The following PDGFRA variants were observed in gnomAD, a reference collection of about 807,000 sequenced individuals.
PDGFRA encodes the protein platelet derived growth factor receptor alpha.
Under a neutral mutation model 121.5 loss-of-function variants are expected in PDGFRA, and 25 were observed. The observed-to-expected ratio is 0.21, with a 90% CI of 0.15 to 0.29. PDGFRA has a LOEUF of 0.29. Ranked by LOEUF, PDGFRA falls within the 10% of genes least tolerant of loss-of-function variation. The pLI, the probability that PDGFRA is intolerant of heterozygous loss-of-function variation, is 1.00. For synonymous variants in PDGFRA, 463 were observed against 494.8 expected, an observed-to-expected ratio of 0.94 and a Z score of 0.85; for missense variants, 1,008 against 1,345.1, an observed-to-expected ratio of 0.75 and a Z score of 3.92.
intron 16 of PDGFRA, among the ~76,000 whole-genome samples, chr4:54,285,105 A>C (rs1724272645): frequency 6.6e-6 from 1 of 151,846 alleles, no homozygotes; most frequent in Non-Finnish European, 1.5e-5. Flanking sequence ...CATGTTGGCC[A>C]GACTGGTCTC....
chr4:54,265,147 AGTTT>A, intron 5 of PDGFRA, 98 bp downstream of exon 5: 1 of 1,165,696 alleles, frequency 8.6e-7, no homozygotes, highest in Non-Finnish European at 1.3e-6. Flanking sequence ...CACATCACTG[AGTTT>A]CTCTAGACCT....
intron 7 of PDGFRA, among the ~76,000 whole-genome samples, chr4:54,269,276 C>T (rs973874188): frequency 6.6e-6 from 1 of 152,090 alleles, no homozygotes; most frequent in African/African-American, 2.4e-5. Flanking sequence ...CTATGAAATG[C>T]TTTCACACAT....
At chr4:54,283,164 A>C (rs758441694) in intron 16 of PDGFRA, among the ~76,000 whole-genome samples, 7 of 152,194 alleles carry the variant, frequency 4.6e-5, no homozygotes, top group Non-Finnish European at 8.8e-5. Context: ...GCAGTGCCCC[A>C]GTGGAGACTC....
At chr4:54,251,805 G>A (rs192349890) in intron 1 of PDGFRA, among the ~76,000 whole-genome samples, 1 of 152,242 alleles carries the variant, frequency 6.6e-6, no homozygotes, top group Admixed American at 6.5e-5. Flanking sequence ...CTGGCTCAAG[G>A]CTTTAAGAAG....
At chr4:54,272,901 C>T (rs1723481934) in intron 9 of PDGFRA, among the ~76,000 whole-genome samples, 1 of 152,196 alleles carries the variant, frequency 6.6e-6, no homozygotes, top group Non-Finnish European at 1.5e-5. Context: ...CCTCCTCCCT[C>T]CCCCGAGTCC....
At chr4:54,249,927 G>A (rs1242742864) in intron 1 of PDGFRA, among the ~76,000 whole-genome samples, 1 of 151,962 alleles carries the variant, frequency 6.6e-6, no homozygotes, top group Admixed American at 6.6e-5. Flanking sequence ...AATTGTAAAG[G>A]GTTTAAAAGG....
intron 1 of PDGFRA, among the ~76,000 whole-genome samples, chr4:54,248,702 C>A (rs905046883): frequency 1.8e-4 from 27 of 152,086 alleles, no homozygotes; most frequent in African/African-American, 6.0e-4. Context: ...GCAACAAAAG[C>A]CAAAATTGAC....
chr4:54,281,881 C>T (rs755076785), intron 16 of PDGFRA: 2 of 1,170,738 alleles, frequency 1.7e-6, no homozygotes, highest in Non-Finnish European at 2.1e-6. Context: ...CTCTAAGATG[C>T]TATCACATGT....
At position 54,295,068 on chromosome 4, in the gene PDGFRA, G is replaced by A. The variant is rs746920108; in HGVS notation, c.3123-57G>A. The A allele has an allele frequency of 2.9e-4, 448 of 1,553,088 alleles. 1 individual carries two copies. The highest frequency in any genetic ancestry group is 3.7e-4 in the Non-Finnish European group (414 of 1,124,526). On this transcript the variant is annotated intron_variant, in intron 22 of 22. Coordinates refer to ENST00000257290, the MANE Select transcript of PDGFRA (RefSeq NM_006206.6). ...TTTCGTTTGTCTCTGGGGGGCCACA[G>A]TCTAGGTCTAGTTCTGTGCAGGAGT... is the stretch of plus-strand genomic sequence containing the variant.
At position 54,257,239 on chromosome 4, in the gene PDGFRA, G is replaced by A. The variant is rs111617091; in HGVS notation, c.-12-1518G>A. 2.2e-4 allele frequency among the ~76,000 whole-genome samples: 33 copies of A among 151,750 alleles called. 1 individual carries two copies. The highest frequency in any genetic ancestry group is 5.6e-4 in the African/African-American group (23 of 41,110). ...ATGACAGGAAGTTACCCTATATGGT[G>A]GAAAAAGGAAGGAACCTTCAGTTCT... On this transcript the variant is annotated intron_variant, in intron 1 of 22. Transcript: ENST00000257290.
intron 1 of PDGFRA, among the ~76,000 whole-genome samples, chr4:54,236,677 C>A (rs990566563): frequency 1.3e-5 from 2 of 151,948 alleles, no homozygotes; most frequent in Non-Finnish European, 2.9e-5. Context: ...ATGGTGGGCA[C>A]CTGTAATACC....
chr4:54,241,620 G>GT (rs1307210583), intron 1 of PDGFRA, among the ~76,000 whole-genome samples: 5 of 151,912 alleles, frequency 3.3e-5, no homozygotes, highest in African/African-American at 1.2e-4. Context: ...CATGATCTTG[G>GT]TTCACTGCAG....
At chr4:54,261,845 C>G (rs28411671) in intron 3 of PDGFRA, among the ~76,000 whole-genome samples, 4,154 of 144,902 alleles carry the variant, frequency 0.029, 203 homozygotes, top group African/African-American at 0.1. Flanking sequence ...TATCAACATA[C>G]ATTTATTCTT....
chr4:54,285,346 A>C, intron 16 of PDGFRA, 25 bp from the exon 17 acceptor site: 1 of 884,216 alleles, frequency 1.1e-6, no homozygotes, highest in Non-Finnish European at 1.9e-6. Flanking sequence ...TGCCAGCACC[A>C]ATACATTTAA....
intron 2 of PDGFRA, among the ~76,000 whole-genome samples, chr4:54,259,067 G>C (rs548782639): frequency 6.6e-6 from 1 of 152,174 alleles, no homozygotes; most frequent in Non-Finnish European, 1.5e-5. Flanking sequence ...GCATTGAAAT[G>C]TTGTTAGTAA....
chr4:54,240,570 T>C (rs1202849745), intron 1 of PDGFRA, among the ~76,000 whole-genome samples: 1 of 152,256 alleles, frequency 6.6e-6, no homozygotes, highest in Non-Finnish European at 1.5e-5. Context: ...TCATTTTCTA[T>C]AAAAACATTT....
chr4:54,240,835 C>A (rs1156378822), intron 1 of PDGFRA, among the ~76,000 whole-genome samples: 1 of 152,152 alleles, frequency 6.6e-6, no homozygotes, highest in Non-Finnish European at 1.5e-5. Context: ...TAATTTGGGT[C>A]CAGCTATCTT....
At chr4:54,242,551 A>G (rs1721365566) in intron 1 of PDGFRA, among the ~76,000 whole-genome samples, 1 of 152,104 alleles carries the variant, frequency 6.6e-6, no homozygotes, top group South Asian at 2.1e-4. Flanking sequence ...TTATATATAT[A>G]TACACACACA....
intron 3 of PDGFRA, among the ~76,000 whole-genome samples, chr4:54,261,918 TA>T (rs1722748531): frequency 3.0e-5 from 2 of 66,868 alleles, no homozygotes; most frequent in South Asian, 6.3e-4. Flanking sequence ...TATATATATA[TA>T]TATATATATA....
Sources: gnomAD v4.1 joint callset for allele counts (sites outside exome capture counted in the v4.1 genomes callset) on GRCh38, gnomAD v4.1.1 for gene constraint, MANE v1.5 for transcripts, NCBI Gene and HGNC (gene_info 2026-07-23, HGNC 2026-07-21) for gene names.